The following PHACTR1 variants were observed in gnomAD, a reference collection of about 807,000 sequenced individuals.
PHACTR1 encodes the protein phosphatase and actin regulator 1.
A neutral mutation model predicts 69.2 loss-of-function variants in PHACTR1; 16 were observed. The ratio of observed to expected loss-of-function variants is 0.23; its 90% CI spans 0.16 to 0.35. The LOEUF (loss-of-function observed/expected upper bound fraction) is 0.35. Among genes scored for constraint, PHACTR1 ranks in the 10% least tolerant of loss-of-function variants. PHACTR1 has a pLI of 1.00. For synonymous variants in PHACTR1, 312 were observed against 284.5 expected, an observed-to-expected ratio of 1.10 and a Z score of -0.97; for missense variants, 510 against 734.7, an observed-to-expected ratio of 0.69 and a Z score of 3.54.
intron 5 of PHACTR1, among the ~76,000 whole-genome samples, chr6:13,133,282 T>TCCTCTCCCCACAGTCTCCCTCTC (rs1820828268): frequency 9.2e-6 from 1 of 108,682 alleles, no homozygotes; most frequent in Non-Finnish European, 1.8e-5. Context: ...CTCTCCCTCT[T>TCCTCTCCCCACAGTCTCCCTCTC]CCTCTCCCCA....
chr6:12,774,376 G>A (rs908876406), intron 4 of PHACTR1, among the ~76,000 whole-genome samples: 1 of 150,114 alleles, frequency 6.7e-6, no homozygotes, highest in African/African-American at 2.5e-5. Flanking sequence ...GAACATATTT[G>A]GCTTTTGTTG....
chr6:12,918,800 G>T (rs1284983689), intron 4 of PHACTR1, among the ~76,000 whole-genome samples: 2 of 152,090 alleles, frequency 1.3e-5, no homozygotes, highest in East Asian at 1.9e-4. Flanking sequence ...GGTGTCTATT[G>T]GTGAAAGAGA....
At chr6:12,751,975 G>T (rs1766678013) in intron 4 of PHACTR1, among the ~76,000 whole-genome samples, 1 of 152,192 alleles carries the variant, frequency 6.6e-6, no homozygotes. Flanking sequence ...TTTCCCTCCT[G>T]TGATGGAATC....
chr6:12,745,397 G>C (rs1243976688), intron 3 of PHACTR1, among the ~76,000 whole-genome samples: 1 of 152,188 alleles, frequency 6.6e-6, no homozygotes, highest in African/African-American at 2.4e-5. Flanking sequence ...TATTTAGAAA[G>C]ACGCAATCAT....
intron 4 of PHACTR1, among the ~76,000 whole-genome samples, chr6:12,995,211 T>C (rs1395753578): frequency 7.0e-6 from 1 of 143,814 alleles, no homozygotes; most frequent in African/African-American, 2.6e-5. Context: ...GCCAGAAACA[T>C]AAGAATATGT....
At chr6:13,003,962 T>C (rs1798432202) in intron 4 of PHACTR1, among the ~76,000 whole-genome samples, 1 of 105,880 alleles carries the variant, frequency 9.4e-6, no homozygotes, top group African/African-American at 5.7e-5. Context: ...TATATATATA[T>C]ATGTATATAT....
intron 6 of PHACTR1, among the ~76,000 whole-genome samples, chr6:13,170,804 T>A (rs1223549): frequency 6.6e-6 from 1 of 152,016 alleles, no homozygotes; most frequent in African/African-American, 2.4e-5. Context: ...CCCAGGACCC[T>A]AGACTGCTGC....
At position 13,061,533 on chromosome 6, in the gene PHACTR1, G is replaced by C. The variant is rs115087141; in HGVS notation, c.415+8004G>C. 3.1e-3 allele frequency among the ~76,000 whole-genome samples: 476 copies of C among 152,262 alleles called. 1 individual carries two copies. Among genetic ancestry groups the C allele is most frequent in the African/African-American group, 0.011 (452 of 41,562 alleles). ...TAAACAGCTGCATTCTTGAATTAGT[G>C]GTTTTTAAGGTGATACAGTTATGGA... On this transcript the variant is annotated intron_variant, in intron 5 of 14. Transcript: ENST00000332995.
chr6:12,896,566 G>C (rs867601567), intron 4 of PHACTR1, among the ~76,000 whole-genome samples: 19 of 152,196 alleles, frequency 1.2e-4, no homozygotes, highest in Non-Finnish European at 2.4e-4. Flanking sequence ...ATGCCAGACA[G>C]TGCCATGGGA....
chr6:13,054,031 G>A (rs1372718111), intron 5 of PHACTR1, among the ~76,000 whole-genome samples: 1 of 152,144 alleles, frequency 6.6e-6, no homozygotes, highest in African/African-American at 2.4e-5. Context: ...AAAGATAACT[G>A]TACGGTTTGT....
At chr6:12,794,224 T>C (rs1345219555) in intron 4 of PHACTR1, among the ~76,000 whole-genome samples, 1 of 152,236 alleles carries the variant, frequency 6.6e-6, no homozygotes, top group African/African-American at 2.4e-5. Flanking sequence ...AAGTCATAGA[T>C]TAATTAATCT....
At chr6:13,206,868 C>T (rs1766005431) in intron 8 of PHACTR1, among the ~76,000 whole-genome samples, 1 of 152,190 alleles carries the variant, frequency 6.6e-6, no homozygotes, top group Non-Finnish European at 1.5e-5. Flanking sequence ...ACGGAGAAAA[C>T]CCATGCAGTC....
intron 4 of PHACTR1, among the ~76,000 whole-genome samples, chr6:12,960,068 C>T (rs1422639670): frequency 2.6e-5 from 4 of 152,030 alleles, no homozygotes; most frequent in Admixed American, 6.5e-5. Flanking sequence ...TTTTTTAGTT[C>T]GGTTGACTGA....
At chr6:12,772,206 T>G (rs1769474365) in intron 4 of PHACTR1, among the ~76,000 whole-genome samples, 1 of 152,200 alleles carries the variant, frequency 6.6e-6, no homozygotes, top group South Asian at 2.1e-4. Flanking sequence ...TTTCCCCACT[T>G]AGGTTACATG....
intron 10 of PHACTR1, among the ~76,000 whole-genome samples, chr6:13,243,137 GCT>G (rs1453972939): frequency 6.6e-6 from 1 of 151,932 alleles, no homozygotes; most frequent in Admixed American, 6.5e-5. Context: ...ATGAGTCAGG[GCT>G]CTGATCATGT....
intron 4 of PHACTR1, among the ~76,000 whole-genome samples, chr6:13,023,856 T>C (rs2127673521): frequency 6.6e-6 from 1 of 152,300 alleles, no homozygotes; most frequent in East Asian, 1.9e-4. Flanking sequence ...GCAGGCAGAT[T>C]ACTTGAGGCC....
chr6:13,067,932 T>C (rs1288256651), intron 5 of PHACTR1, among the ~76,000 whole-genome samples: 1 of 152,228 alleles, frequency 6.6e-6, no homozygotes, highest in Non-Finnish European at 1.5e-5. Context: ...TGGTTAGGGG[T>C]CAAACTCTGG....
In PHACTR1 at chr6:12,918,881, C is replaced by CTTT. The variant is rs761142913; in HGVS notation, c.251-134482_251-134480dup. Among the ~76,000 whole-genome samples, 5 of 152,300 alleles carry CTTT rather than the reference C, an allele frequency of 3.3e-5. 1 individual carries two copies. The highest frequency in any genetic ancestry group is 1.2e-4 in the African/African-American group (5 of 41,564). On this transcript the variant is annotated intron_variant, in intron 4 of 14. Transcript: ENST00000332995. ...AGATCACCTGAGCTTTAACTTTGAC[C>CTTT]TTTTAGTGGTAGTCCAGGAACAAGA...
intron 5 of PHACTR1, among the ~76,000 whole-genome samples, chr6:13,091,179 A>C (rs953173520): frequency 6.6e-6 from 1 of 151,924 alleles, no homozygotes; most frequent in Admixed American, 6.6e-5. Flanking sequence ...TTGTATTTTT[A>C]GTAGAGACGG....
Sources: gnomAD v4.1 joint callset for allele counts (sites outside exome capture counted in the v4.1 genomes callset) on GRCh38, gnomAD v4.1.1 for gene constraint, MANE v1.5 for transcripts, NCBI Gene and HGNC (gene_info 2026-07-23, HGNC 2026-07-21) for gene names.